Variants in VLDLR observed in about 807,000 individuals in gnomAD.
VLDLR encodes the protein very low density lipoprotein receptor, also known as very low-density lipoprotein receptor.
A neutral mutation model predicts 112.7 loss-of-function variants in VLDLR; 81 were observed. The observed-to-expected ratio is 0.72, with a 90% CI of 0.60 to 0.86. VLDLR has a LOEUF of 0.86. Among genes scored for constraint, VLDLR ranks in the 40% least tolerant of loss-of-function variants. VLDLR has a pLI of 0.00. For missense variants in VLDLR, 1,237 were observed against 1,099.4 expected, an observed-to-expected ratio of 1.13 and a Z score of -1.77; for synonymous variants, 436 against 384.8, an observed-to-expected ratio of 1.13 and a Z score of -1.56.
chr9:2,641,398 A>G lies in VLDLR; in HGVS notation c.347A>G (p.His116Arg), dbSNP rs747981713. ...ACAGATATGAGAACATGCCGCATACATGAAATCAGCTGTGGCGCCCATTCT... is the reference window on the plus strand; with the variant it reads ...ACAGATATGAGAACATGCCGCATACGTGAAATCAGCTGTGGCGCCCATTCT... ...EQCHMRTCRI[H>R]EISCGAHSTQ... The change falls in exon 4 of 19, where the codon CAT becomes CGT. Residue 116 changes from histidine (H) to arginine (R), a missense_variant. Coordinates refer to ENST00000382100, the MANE Select transcript of VLDLR (RefSeq NM_003383.5). 2.5e-6 allele frequency: 4 copies of G among 1,614,242 alleles called. No homozygotes were observed. The highest frequency in any genetic ancestry group is 3.4e-6 in the Non-Finnish European group (4 of 1,180,044).
chr9:2,648,416 CAT>C, intron 13 of VLDLR, 69 bp downstream of exon 13: 2 of 1,606,996 alleles, frequency 1.2e-6, no homozygotes, highest in Admixed American at 1.7e-5. Flanking sequence ...AAATAACAGA[CAT>C]AGCGGGAGGA....
chr9:2,648,624 GT>G (rs1267428335), intron 13 of VLDLR, 44 bp from the exon 14 acceptor site: 1 of 1,613,922 alleles, frequency 6.2e-7, no homozygotes, highest in Non-Finnish European at 8.5e-7. Context: ...AAATGGACTT[GT>G]GTTAATCCTG....
chr9:2,638,300 C>T (rs1817682564), intron 2 of VLDLR, among the ~76,000 whole-genome samples: 1 of 152,128 alleles, frequency 6.6e-6, no homozygotes, highest in African/African-American at 2.4e-5. Context: ...TAACTGTAAT[C>T]ACTGTCTCTC....
At chr9:2,648,529 C>G (rs1220886527) in intron 13 of VLDLR, 140 bp from the exon 14 acceptor site, 2 of 1,527,526 alleles carry the variant, frequency 1.3e-6, no homozygotes, top group African/African-American at 1.4e-5. Flanking sequence ...AAACTTGATT[C>G]TTTTACAGTT....
chr9:2,647,682 ACT>A lies in VLDLR; in HGVS notation c.1822+93_1822+94del, dbSNP rs1489059032. ...ATGGTGAATTCTGGACTAGCAGATG[ACT>A]CTACTGCTTCCGCCTAAATTCTAGC... On this transcript the variant is annotated intron_variant, in intron 12 of 18. Coordinates refer to ENST00000382100, the MANE Select transcript of VLDLR (RefSeq NM_003383.5). 4 of 1,155,736 alleles carry A rather than the reference ACT, an allele frequency of 3.5e-6. No homozygotes were observed. In the Admixed American group the frequency reaches 6.7e-5, roughly 19 times the overall value. 71.6% of individuals were successfully genotyped at this position (1,155,736 alleles called of 1,614,324 possible).
At position 2,645,391 on chromosome 9, in the gene VLDLR, G is replaced by A. The variant is rs531050453; in HGVS notation, c.1313-183G>A. ...CTGTTCTTGAAGGCTGTAACCCCAC[G>A]ACTGCCTTCCTAAACTGTAGGAAGC... is the stretch of plus-strand genomic sequence containing the variant. On this transcript the variant is annotated intron_variant, in intron 9 of 18. Transcript: ENST00000382100. Among the ~76,000 whole-genome samples the A allele has an allele frequency of 3.9e-5, 6 of 152,212 alleles. No individual in the cohort carries two copies. In the South Asian group the frequency reaches 6.2e-4, roughly 16 times the overall value.
At position 2,657,117 on chromosome 9, in the gene VLDLR, G is replaced by A. The variant is rs1818639633; in HGVS notation, c.*3249G>A. The A allele has an allele frequency of 6.6e-6, 1 of 152,006 alleles. No individual in the cohort carries two copies. The allele number at this position is 152,006 out of a possible 1,614,324, so 9.4% of individuals were successfully genotyped here. A position where few individuals can be genotyped will look rare whatever the true frequency, so the allele number is the denominator to read the frequency against. On this transcript the variant is annotated 3_prime_UTR_variant, in exon 19 of 19. Coordinates refer to ENST00000382100, the MANE Select transcript of VLDLR (RefSeq NM_003383.5). ...TTCAGTTAAGAACACTGTAGAAATG[G>A]TAGACCAACTTAAAGTCTACCTTTT... is the stretch of plus-strand genomic sequence containing the variant.
Position 2,658,789 on chromosome 9 carries a change from G to C in VLDLR, c.*4921G>C, listed in dbSNP as rs146905297. On this transcript the variant is annotated 3_prime_UTR_variant, in exon 19 of 19. Transcript: ENST00000382100. ...TATTTACTGTCACACACAGGCACCG[G>C]TAAGTGACTTTACCGGTGAAAGTCA... The C allele has an allele frequency of 6.6e-6, 1 of 152,128 alleles. No individual in the cohort carries two copies. The highest frequency in any genetic ancestry group is 1.5e-5 in the Non-Finnish European group (1 of 68,040). The allele number at this position is 152,128 out of a possible 1,614,324, so 9.4% of individuals were successfully genotyped here.
intron 1 of VLDLR, among the ~76,000 whole-genome samples, chr9:2,623,482 G>A (rs1317242998): frequency 6.6e-6 from 1 of 152,220 alleles, no homozygotes; most frequent in Non-Finnish European, 1.5e-5. Flanking sequence ...CTGCCGGCCT[G>A]CAGTCACGTG....
intron 7 of VLDLR, 33 bp downstream of exon 7, chr9:2,643,992 G>A (rs753356691): frequency 1.9e-6 from 3 of 1,613,654 alleles, no homozygotes; most frequent in Admixed American, 1.7e-5. Flanking sequence ...TACAGATCCT[G>A]GAAGTTTGAC....
chr9:2,650,352 A>T lies in VLDLR; in HGVS notation c.2105-18A>T, dbSNP rs1041371502. On this transcript the variant is annotated intron_variant, in intron 14 of 18. Coordinates refer to ENST00000382100, the MANE Select transcript of VLDLR (RefSeq NM_003383.5). ...GCACCGGAATACCCATTTTAATGGT[A>T]TTTTTTTTCCTGACTAGGTAAAAAT... 2 of 1,613,074 alleles carry T rather than the reference A, an allele frequency of 1.2e-6. No homozygotes were observed. Among genetic ancestry groups the T allele is most frequent in the African/African-American group, 1.3e-5 (1 of 74,832 alleles).
rs1372668006 is a variant in VLDLR, at chr9:2,648,739, T to C, written c.2033T>C (p.Leu678Pro). ...GCCAATAAATTCACTGGATCAGAGC[T>C]AGCCACTCTAGTCAACAACCTGAAT... ...YGANKFTGSE[L>P]ATLVNNLNDA... The change falls in exon 14 of 19, where the codon CTA becomes CCA. Residue 678 changes from leucine to proline, a missense_variant. Leu to Pro is a moderately conservative substitution (Grantham distance 98). Coordinates refer to ENST00000382100, the MANE Select transcript of VLDLR (RefSeq NM_003383.5). 6.2e-7 allele frequency: 1 copy of C among 1,614,178 alleles called. No homozygotes were observed. The highest frequency in any genetic ancestry group is 1.1e-5 in the South Asian group (1 of 91,076).
chr9:2,624,427 A>G (rs796299223), intron 1 of VLDLR, among the ~76,000 whole-genome samples: 6 of 152,338 alleles, frequency 3.9e-5, no homozygotes, highest in African/African-American at 1.4e-4. Context: ...TGGACAAGAC[A>G]GGTGAACACT....
Position 2,645,758 on chromosome 9 carries a change from T to G in VLDLR, c.1484+13T>G. On this transcript the variant is annotated intron_variant, in intron 10 of 18. Transcript: ENST00000382100. ...AGGCTATCTTCAGGTAACTTTCAGT[T>G]CCTTTTGTGGTGTCTTGACATAAGT... 1 of 1,614,080 alleles carries G rather than the reference T, an allele frequency of 6.2e-7. No individual in the cohort carries two copies. Among genetic ancestry groups the G allele is most frequent in the South Asian group, 1.1e-5 (1 of 91,082 alleles).
chr9:2,650,550 C>T, intron 15 of VLDLR, 34 bp downstream of exon 15: 1 of 1,610,856 alleles, frequency 6.2e-7, no homozygotes, highest in Non-Finnish European at 8.5e-7. Flanking sequence ...ACAAGTAGAA[C>T]CTACAACAAG....
At position 2,638,641 on chromosome 9, in the gene VLDLR, T is replaced by C. The variant is rs1289176031; in HGVS notation, c.203-1218T>C. ...AGGATAATCAAGCTGCCCGATTTGC[T>C]TAGGACAGTCCTGGTTTATGCTTAT... On this transcript the variant is annotated intron_variant, in intron 2 of 18. Coordinates refer to ENST00000382100, the MANE Select transcript of VLDLR (RefSeq NM_003383.5). Among the ~76,000 whole-genome samples the C allele has an allele frequency of 3.3e-5, 5 of 152,198 alleles. No homozygotes were observed. The East Asian group carries it at 9.6e-4, about 29-fold the overall frequency.
intron 16 of VLDLR, 48 bp downstream of exon 16, chr9:2,651,546 C>T (rs753869952): frequency 3.4e-6 from 5 of 1,464,838 alleles, no homozygotes; most frequent in Middle Eastern, 1.7e-4. Flanking sequence ...AACAGCCACA[C>T]TCTTTGTATC....
rs1172150793 is a variant in VLDLR, at chr9:2,658,851, A to G, written c.*4983A>G. On this transcript the variant is annotated 3_prime_UTR_variant, in exon 19 of 19. Transcript: ENST00000382100. ...ATCTATGATGAATGTAATGTGTTAG[A>G]TGGTGACCGAAGTGTTCTCCACTAC... is the stretch of plus-strand genomic sequence containing the variant. 1.3e-5 allele frequency: 2 copies of G among 152,190 alleles called. No individual in the cohort carries two copies. Among genetic ancestry groups the G allele is most frequent in the Non-Finnish European group, 2.9e-5 (2 of 68,040 alleles). 9.4% of individuals were successfully genotyped at this position (152,190 alleles called of 1,614,324 possible).
rs758704925 is a variant in VLDLR, at chr9:2,643,347, C to T, written c.636C>T (p.Cys212=). The change falls in exon 5 of 19, where the codon TGC becomes TGT. Residue 212 remains cysteine (C), a synonymous_variant. Coordinates refer to ENST00000382100, the MANE Select transcript of VLDLR (RefSeq NM_003383.5). The part of the protein sequence containing the change: ...TSSCIPISWV[C]DDDADCSDQS... ...CCTGCATCCCCATCAGCTGGGTATG[C>T]GACGATGATGCAGACTGCTCCGACC... 46 of 1,613,966 alleles carry T rather than the reference C, an allele frequency of 2.9e-5. No individual in the cohort carries two copies. The highest frequency in any genetic ancestry group is 3.1e-5 in the Non-Finnish European group (37 of 1,180,022).
Sources: gnomAD v4.1 joint callset for allele counts (sites outside exome capture counted in the v4.1 genomes callset) on GRCh38, gnomAD v4.1.1 for gene constraint, MANE v1.5 for transcripts, NCBI Gene and HGNC (gene_info 2026-07-23, HGNC 2026-07-21) for gene names.